FKBP4: variants seen among roughly 807,000 people sequenced by gnomAD.
FKBP4 encodes the protein peptidyl-prolyl cis-trans isomerase FKBP4.
Under a neutral mutation model 54.1 loss-of-function variants are expected in FKBP4, and 28 were observed. The observed-to-expected ratio is 0.52, with a 90% CI of 0.38 to 0.71. The LOEUF (loss-of-function observed/expected upper bound fraction) is 0.71. FKBP4 is among the 30% of genes least tolerant of loss of function. FKBP4 has a pLI of 0.00. For synonymous variants in FKBP4, 223 were observed against 216.1 expected (o/e 1.03, Z -0.28); for missense variants, 493 against 574.4 (o/e 0.86, Z 1.45).
Position 2,803,713 on chromosome 12 carries a change from T to TA in FKBP4, c.*456dup, listed in dbSNP as rs2097906088. ...CTAGGGACATGGGAAAAACCACTGC[T>TA]ATGCCATTTCTTCTCTCTGTTCCCT... On this transcript the variant is annotated 3_prime_UTR_variant, in exon 10 of 10. Transcript: ENST00000001008. 1 of 158,762 alleles carries TA rather than the reference T, an allele frequency of 6.3e-6. No individual in the cohort carries two copies. Among genetic ancestry groups the TA allele is most frequent in the Admixed American group, 6.1e-5 (1 of 16,498 alleles). 9.8% of individuals were successfully genotyped at this position (158,762 alleles called of 1,614,324 possible). A position where few individuals can be genotyped will look rare whatever the true frequency, so the allele number is the denominator to read the frequency against.
intron 1 of FKBP4, 34 bp from the exon 2 acceptor site, chr12:2,797,104 C>T (rs1250350735): frequency 1.2e-6 from 2 of 1,611,200 alleles, no homozygotes; most frequent in East Asian, 2.2e-5. Context: ...TGCCCCAAAC[C>T]CTGGGGTACT....
In FKBP4 at chr12:2,804,359, A is replaced by C. The variant is rs1287304910; in HGVS notation, c.*1101A>C. 2 of 152,228 alleles carry C rather than the reference A, an allele frequency of 1.3e-5. No individual in the cohort carries two copies. The highest frequency in any genetic ancestry group is 1.5e-5 in the Non-Finnish European group (1 of 68,042). 9.4% of individuals were successfully genotyped at this position (152,228 alleles called of 1,614,324 possible). A position where few individuals can be genotyped will look rare whatever the true frequency, so the allele number is the denominator to read the frequency against. On this transcript the variant is annotated 3_prime_UTR_variant, in exon 10 of 10. Coordinates refer to ENST00000001008, the MANE Select transcript of FKBP4 (RefSeq NM_002014.4). ...GAGGTATCTGCATTTTGGTTTGTTAACAAGGTAAAACTCCTGGTGTCACTG... is the reference window on the plus strand; with the variant it reads ...GAGGTATCTGCATTTTGGTTTGTTACCAAGGTAAAACTCCTGGTGTCACTG...
rs551642916 is a variant in FKBP4, at chr12:2,803,178, C to A, written c.1300C>A (p.His434Asn). Residue 434 changes from histidine (H) to asparagine (N), a missense_variant, in exon 10 of 10, where the codon CAT (histidine) becomes AAT (asparagine). Transcript: ENST00000001008. ...KAKAEASSGD[H>N]PTDTEMKEEQ... ...CAAGGCAGAGGCTTCCTCAGGAGACCATCCCACTGACACAGAGATGAAGGA... is the reference window on the plus strand; with the variant it reads ...CAAGGCAGAGGCTTCCTCAGGAGACAATCCCACTGACACAGAGATGAAGGA... 5.6e-6 allele frequency: 9 copies of A among 1,606,330 alleles called. No individual in the cohort carries two copies. In the East Asian group the frequency reaches 1.6e-4, roughly 28 times the overall value.
intron 5 of FKBP4, 48 bp from the exon 6 acceptor site, chr12:2,799,802 C>T (rs752715880): frequency 1.3e-6 from 2 of 1,491,600 alleles, no homozygotes; most frequent in African/African-American, 1.4e-5. Context: ...CAGCCTGGAG[C>T]AGGTTAAGTG....
intron 5 of FKBP4, 40 bp from the exon 6 acceptor site, chr12:2,799,810 G>A: frequency 2.6e-6 from 4 of 1,549,232 alleles, no homozygotes; most frequent in Non-Finnish European, 3.6e-6. Context: ...AGCAGGTTAA[G>A]TGTTGCCAAG....
intron 9 of FKBP4, 101 bp downstream of exon 9, chr12:2,801,457 C>G: frequency 6.5e-7 from 1 of 1,533,640 alleles, no homozygotes; most frequent in Non-Finnish European, 8.9e-7. Context: ...ATCCCGGAAA[C>G]CAGAAGTTGC....
At chr12:2,802,998 G>A (rs2097905685) in intron 9 of FKBP4, among the ~76,000 whole-genome samples, 153 bp from the exon 10 acceptor site, 5 of 152,242 alleles carry the variant, frequency 3.3e-5, no homozygotes, top group Admixed American at 2.6e-4. Flanking sequence ...AAAGTGCTGG[G>A]ATTACAGGCA....
At chr12:2,797,404 T>C (rs772772934) in intron 2 of FKBP4, 122 bp downstream of exon 2, 21 of 1,189,074 alleles carry the variant, frequency 1.8e-5, no homozygotes, top group Non-Finnish European at 2.5e-5. Context: ...GTTAACTCTT[T>C]CGGTCACTCT....
At chr12:2,803,018 A>C (rs1034747209) in intron 9 of FKBP4, 133 bp from the exon 10 acceptor site, 6 of 635,176 alleles carry the variant, frequency 9.4e-6, no homozygotes. Context: ...ATAAGCCACC[A>C]GGCTTGGCCT....
rs373346391 is a variant in FKBP4 at position 2,803,277 on chromosome 12, A to G, written c.*19A>G. ...AGCATAGCCCCTCTCCACCAGCCCT[A>G]CTCCTGCGGCTGCCTGCCCCCCAGT... On this transcript the variant is annotated 3_prime_UTR_variant, in exon 10 of 10. Transcript: ENST00000001008. The G allele has an allele frequency of 6.5e-7, 1 of 1,529,042 alleles. No individual in the cohort carries two copies. Among genetic ancestry groups the G allele is most frequent in the Non-Finnish European group, 8.8e-7 (1 of 1,130,464 alleles). The allele number at this position is 1,529,042 out of a possible 1,614,324, so 94.7% of individuals were successfully genotyped here.
intron 9 of FKBP4, among the ~76,000 whole-genome samples, chr12:2,802,636 A>G (rs2097905475): frequency 6.6e-6 from 1 of 152,254 alleles, no homozygotes; most frequent in Admixed American, 6.5e-5. Context: ...CTAGCCACTT[A>G]CAGTAGTGGC....
In FKBP4 at chr12:2,799,203, C is replaced by T; in HGVS notation, c.630C>T (p.Arg210=). The T allele has an allele frequency of 6.4e-7, 1 of 1,571,564 alleles. No homozygotes were observed. Among genetic ancestry groups the T allele is most frequent in the Non-Finnish European group, 8.6e-7 (1 of 1,160,658 alleles). Residue 210 remains arginine (R), a synonymous_variant, in exon 5 of 10, where the codon CGC becomes CGT. Coordinates refer to ENST00000001008, the MANE Select transcript of FKBP4 (RefSeq NM_002014.4). ...LPYGLERAIQ[R]MEKGEHSIVY... is the part of the protein sequence containing the mutation. ...ATGGTCTGGAGAGGGCCATTCAGCG[C>T]ATGGAGAAAGGAGAACATTCCATCG...
chr12:2,801,531 G>T (rs2097904774), intron 9 of FKBP4, 175 bp downstream of exon 9: 1 of 879,224 alleles, frequency 1.1e-6, no homozygotes, highest in Admixed American at 2.2e-5. Flanking sequence ...TGTGATCAGT[G>T]CGGGAAACCT....
At chr12:2,797,036 C>G (rs1304603965) in intron 1 of FKBP4, 102 bp from the exon 2 acceptor site, 14 of 1,523,464 alleles carry the variant, frequency 9.2e-6, no homozygotes, top group Non-Finnish European at 1.2e-5. Context: ...AGGATGAACA[C>G]AGAGAAGTCC....
Position 2,803,483 on chromosome 12 carries a change from G to A in FKBP4, c.*225G>A. The A allele has an allele frequency of 5.5e-6, 3 of 546,396 alleles. No homozygotes were observed. In the South Asian group the frequency reaches 6.7e-5, roughly 12 times the overall value. 33.8% of individuals were successfully genotyped at this position (546,396 alleles called of 1,614,324 possible). A position where few individuals can be genotyped will look rare whatever the true frequency, so the allele number is the denominator to read the frequency against. On this transcript the variant is annotated 3_prime_UTR_variant, in exon 10 of 10. Transcript: ENST00000001008. The stretch of plus-strand genomic sequence containing the variant: ...CCTCTTCCCTTCCTCCATTGCACAT[G>A]AACATATGTCCATCCATATATATTC...
At chr12:2,800,280 G>A (rs1267179432) in intron 7 of FKBP4, 112 bp from the exon 8 acceptor site, 25 of 1,384,322 alleles carry the variant, frequency 1.8e-5, no homozygotes, top group Non-Finnish European at 2.5e-5. Flanking sequence ...TTGCCAGTGG[G>A]AAGGGTGGGA....
chr12:2,797,186 C>A lies in FKBP4; in HGVS notation c.154C>A (p.Arg52=), dbSNP rs1369537547. 4.3e-6 allele frequency: 7 copies of A among 1,613,380 alleles called. No individual in the cohort carries two copies. Among genetic ancestry groups the A allele is most frequent in the Non-Finnish European group, 5.9e-6 (7 of 1,179,832 alleles). The part of the protein sequence containing the change: ...TGTEMPMIGD[R]VFVHYTGWLL... Reference sequence around the variant, plus strand: ...TACAGAGATGCCCATGATTGGGGACCGAGTCTTTGTCCACTACACTGGCTG... The same window carrying A: ...TACAGAGATGCCCATGATTGGGGACAGAGTCTTTGTCCACTACACTGGCTG... The change falls in exon 2 of 10, where the codon CGA becomes AGA. Residue 52 remains arginine (R), a synonymous_variant. Coordinates refer to ENST00000001008, the MANE Select transcript of FKBP4 (RefSeq NM_002014.4).
In FKBP4 at chr12:2,797,865, A is replaced by T. The variant is rs745332136; in HGVS notation, c.387A>T (p.Val129=). 1.2e-5 allele frequency: 20 copies of T among 1,613,132 alleles called. No individual in the cohort carries two copies. The highest frequency in any genetic ancestry group is 1.7e-5 in the Non-Finnish European group (20 of 1,179,352). ...AGATTCCCCCCAATGCCACGCTTGT[A>T]TTTGAGGTGAGTGTTTGGTCACTGA... is the stretch of plus-strand genomic sequence containing the variant. The part of the protein sequence containing the change: ...PPKIPPNATL[V]FEVELFEFKG... The change falls in exon 3 of 10, where the codon GTA becomes GTT. Residue 129 remains valine (V), a synonymous_variant. Coordinates refer to ENST00000001008, the MANE Select transcript of FKBP4 (RefSeq NM_002014.4).
chr12:2,799,965 T>C (rs2097903837), intron 6 of FKBP4, 25 bp downstream of exon 6: 1 of 1,613,488 alleles, frequency 6.2e-7, no homozygotes, highest in Non-Finnish European at 8.5e-7. Flanking sequence ...GGTCTTCCCA[T>C]CTAAAGTCAA....
Sources: gnomAD v4.1 joint callset for allele counts (sites outside exome capture counted in the v4.1 genomes callset) on GRCh38, gnomAD v4.1.1 for gene constraint, MANE v1.5 for transcripts, NCBI Gene and HGNC (gene_info 2026-07-23, HGNC 2026-07-21) for gene names.